Variants in SEMA5B observed in about 807,000 individuals in gnomAD.
SEMA5B encodes semaphorin 5B.
Under a neutral mutation model 135.0 loss-of-function variants are expected in SEMA5B, and 66 were observed. The ratio of observed to expected loss-of-function variants is 0.49; its 90% confidence interval spans 0.40 to 0.60. The LOEUF (loss-of-function observed/expected upper bound fraction) is 0.60, where lower values mean the gene tolerates loss of function less well. Ranked by LOEUF, SEMA5B falls within the 20% of genes least tolerant of loss-of-function variation. The probability of loss-of-function intolerance (pLI) is 0.00; values close to 1 mark genes in which losing one functional copy is unlikely to be tolerated. For missense variants in SEMA5B, 1,501 were observed against 1,566.3 expected (o/e 0.96, Z 0.70); for synonymous variants, 690 against 639.5 (o/e 1.08, Z -1.19).
intron 2 of SEMA5B, among the ~76,000 whole-genome samples, chr3:122,951,087 T>A (rs1576360280): frequency 1.3e-5 from 2 of 152,296 alleles, no homozygotes; most frequent in African/African-American, 4.8e-5. Context: ...GCATGCACCA[T>A]CATGCCTGGC....
intron 2 of SEMA5B, among the ~76,000 whole-genome samples, chr3:122,957,606 C>CT (rs1553777081): frequency 6.6e-6 from 1 of 152,188 alleles, no homozygotes; most frequent in Non-Finnish European, 1.5e-5. Flanking sequence ...AGTACAAATG[C>CT]CTGGAGCATA....
intron 12 of SEMA5B, among the ~76,000 whole-genome samples, chr3:122,916,553 A>C (rs1938086119): frequency 6.6e-6 from 1 of 152,190 alleles, no homozygotes; most frequent in Non-Finnish European, 1.5e-5. Flanking sequence ...GCAAGGAGAT[A>C]AGTAGTTTCC....
chr3:122,928,777 C>T (rs550986222), intron 6 of SEMA5B, among the ~76,000 whole-genome samples, 162 bp from the exon 7 acceptor site: 12 of 152,344 alleles, frequency 7.9e-5, no homozygotes, highest in Non-Finnish European at 1.5e-4. Context: ...TGTGGACGTC[C>T]CCTCCCACCA....
At chr3:122,966,847 C>T (rs913491397) in intron 1 of SEMA5B, among the ~76,000 whole-genome samples, 1 of 137,930 alleles carries the variant, frequency 7.3e-6, no homozygotes, top group Admixed American at 7.2e-5. Context: ...CGTGAGCCAC[C>T]ACACCCGGCC....
intron 3 of SEMA5B, 33 bp downstream of exon 3, chr3:122,948,473 G>C: frequency 6.4e-7 from 1 of 1,564,794 alleles, no homozygotes; most frequent in South Asian, 1.2e-5. Context: ...CACGGCCATT[G>C]CAAGACAGGG....
chr3:122,966,863 C>CTATTATTATTAT (rs755147289), intron 1 of SEMA5B, among the ~76,000 whole-genome samples: 3 of 77,744 alleles, frequency 3.9e-5, no homozygotes, highest in East Asian at 5.6e-4. Context: ...CGGCCTATTA[C>CTATTATTATTAT]TATTATTATT....
At chr3:123,006,290 G>A (rs949604972) in intron 1 of SEMA5B, among the ~76,000 whole-genome samples, 8 of 152,172 alleles carry the variant, frequency 5.3e-5, no homozygotes, top group East Asian at 1.9e-4. Flanking sequence ...AGTCAGGAGC[G>A]TGAAAATGAA....
intron 2 of SEMA5B, among the ~76,000 whole-genome samples, chr3:122,957,392 A>G (rs1940370704): frequency 6.6e-6 from 1 of 152,240 alleles, no homozygotes; most frequent in Non-Finnish European, 1.5e-5. Flanking sequence ...AGACAGAAGC[A>G]GGGAGAATGA....
chr3:122,935,663 C>CT (rs953521081), intron 5 of SEMA5B, among the ~76,000 whole-genome samples: 1 of 124,996 alleles, frequency 8.0e-6, no homozygotes, highest in African/African-American at 3.1e-5. Flanking sequence ...GCTCTATCCA[C>CT]TTTTTTTTCT....
intron 1 of SEMA5B, among the ~76,000 whole-genome samples, chr3:123,025,688 C>T (rs1297298704): frequency 6.6e-6 from 1 of 152,220 alleles, no homozygotes; most frequent in Non-Finnish European, 1.5e-5. Context: ...CCTACACACA[C>T]CTTTCCCAAC....
chr3:122,994,349 G>C (rs1214468944), intron 1 of SEMA5B, among the ~76,000 whole-genome samples: 2 of 152,178 alleles, frequency 1.3e-5, no homozygotes, highest in Admixed American at 6.5e-5. Flanking sequence ...CTACCACAGA[G>C]GAGGCCAGGA....
chr3:122,910,364 C>T (rs1484431220), intron 22 of SEMA5B, 63 bp from the exon 23 acceptor site: 3 of 1,565,472 alleles, frequency 1.9e-6, no homozygotes. Flanking sequence ...GGGAACAGGC[C>T]AGAGCAAGGA....
chr3:122,913,031 C>T lies in SEMA5B; in HGVS notation c.2537G>A (p.Ser846Asn). Reference protein sequence around the residue: ...ALVEVLLRSGSTSPHTVSGGW... With the variant: ...ALVEVLLRSGNTSPHTVSGGW... Reference sequence around the variant, plus strand: ...CCCGCTCACCGTGTGCGGGGAGGTGCTCCCGCTGCGCAGGAGGACCTCCAC... The same window carrying T: ...CCCGCTCACCGTGTGCGGGGAGGTGTTCCCGCTGCGCAGGAGGACCTCCAC... Residue 846 changes from serine to asparagine, a missense_variant, in exon 18 of 23, where the codon AGC becomes AAC. By Grantham distance (46) the Ser-to-Asn change is conservative. Transcript: ENST00000357599. 2.5e-6 allele frequency: 4 copies of T among 1,575,744 alleles called. No homozygotes were observed. The highest frequency in any genetic ancestry group is 3.4e-6 in the Non-Finnish European group (4 of 1,161,596).
At chr3:122,965,174 G>A (rs1005331010) in intron 1 of SEMA5B, among the ~76,000 whole-genome samples, 1 of 152,204 alleles carries the variant, frequency 6.6e-6, no homozygotes, top group South Asian at 2.1e-4. Context: ...GGAGCTGGGG[G>A]CAGGAGCTCA....
At chr3:122,953,486 T>A (rs764247923) in intron 2 of SEMA5B, among the ~76,000 whole-genome samples, 5 of 152,198 alleles carry the variant, frequency 3.3e-5, no homozygotes, top group African/African-American at 4.8e-5. Flanking sequence ...CAGTAATTGC[T>A]AGATTAATAT....
At chr3:122,990,561 A>G (rs1941844909) in intron 1 of SEMA5B, among the ~76,000 whole-genome samples, 1 of 151,988 alleles carries the variant, frequency 6.6e-6, no homozygotes, top group Admixed American at 6.6e-5. Flanking sequence ...CCCCAAACTC[A>G]CTGTCAGGTA....
intron 1 of SEMA5B, among the ~76,000 whole-genome samples, chr3:122,970,551 T>G (rs9880238): frequency 0.13 from 19,580 of 152,270 alleles, 2,426 homozygotes; most frequent in East Asian, 0.31. Flanking sequence ...TCCTTACCTT[T>G]TAGTATTTGC....
At chr3:122,942,563 C>T (rs1275146578) in intron 4 of SEMA5B, among the ~76,000 whole-genome samples, 2 of 152,152 alleles carry the variant, frequency 1.3e-5, no homozygotes, top group Non-Finnish European at 2.9e-5. Flanking sequence ...GTCCCCACAC[C>T]CTGTTGTCAT....
Position 122,923,724 on chromosome 3 carries a change from C to A in SEMA5B, c.1165G>T (p.Ala389Ser), listed in dbSNP as rs143116501. 9.9e-6 allele frequency: 16 copies of A among 1,613,922 alleles called. No homozygotes were observed. Among genetic ancestry groups the A allele is most frequent in the Non-Finnish European group, 1.2e-5 (14 of 1,180,002 alleles). The change falls in exon 10 of 23, where the codon GCC becomes TCC. Residue 389 changes from alanine (A) to serine (S), a missense_variant. By Grantham distance (99) the Ala-to-Ser change is moderately conservative. This residue lies in a region of SEMA5B where 574 missense variants were observed against 684.7 expected (regional missense o/e 0.84). Coordinates refer to ENST00000357599, the MANE Select transcript of SEMA5B (RefSeq NM_001031702.4). ...TGGGAGATAGCACTGAGGTTGAAGG[C>A]GCAGACAGCAGAAGCCGCGATGCTG... ...VNSIAASAVC[A>S]FNLSAISQAF... is the part of the protein sequence containing the mutation.
Sources: allele counts gnomAD v4.1 joint callset (sites outside exome capture counted in the v4.1 genomes callset), GRCh38; gene constraint gnomAD v4.1.1; regional missense constraint gnomAD v4.1.1; transcripts MANE v1.5; gene names NCBI Gene and HGNC (gene_info 2026-07-23, HGNC 2026-07-21).